Variants in UCKL1 observed in about 807,000 individuals in gnomAD.
The protein encoded by UCKL1 is uridine-cytidine kinase 1 like 1.
UCKL1 carries 65 observed loss-of-function variants against 59.2 expected under a neutral mutation model. The observed-to-expected ratio is 1.10, with a 90% confidence interval of 0.90 to 1.35. UCKL1 has a LOEUF of 1.35. Ranked by LOEUF, UCKL1 falls within the 40% of genes most tolerant of loss-of-function variation. The pLI is 0.00. For missense variants in UCKL1, 703 were observed against 784.3 expected (o/e 0.90, Z 1.24); for synonymous variants, 410 against 323.1 (o/e 1.27, Z -2.88).
At chr20:63,956,094 A>T in intron 1 of UCKL1, 166 bp downstream of exon 1, 1 of 621,780 alleles carries the variant, frequency 1.6e-6, no homozygotes, top group Non-Finnish European at 2.5e-6. Flanking sequence ...CGGCCGCTTC[A>T]AGCCCGCGGG....
chr20:63,941,272 C>A (rs914156371), intron 8 of UCKL1, 64 bp from the exon 9 acceptor site: 24 of 1,456,120 alleles, frequency 1.6e-5, no homozygotes, highest in Admixed American at 1.3e-4. Context: ...TCCCTCCCCA[C>A]AGGACGGCTG....
chr20:63,956,311 CG>C lies in UCKL1; in HGVS notation c.61del (p.Arg21GlufsTer97). ...DPSPTSPPTA[R>X]DTPGRQAEKS... ...CTCAGCCTGCCGGCCTGGTGTGTCT[CG>C]GGCCGTAGGTGGCGACGTGGGCGAA... On this transcript the variant is annotated frameshift_variant, in exon 1 of 15. Coordinates refer to ENST00000354216, the MANE Select transcript of UCKL1 (RefSeq NM_017859.4). LOFTEE classifies it high-confidence loss of function. 6.4e-7 allele frequency: 1 copy of C among 1,558,566 alleles called. No homozygotes were observed. The highest frequency in any genetic ancestry group is 8.6e-7 in the Non-Finnish European group (1 of 1,156,506).
rs1262672825 is a variant in UCKL1 at position 63,946,143 on chromosome 20, A to T, written c.411+18T>A. 6.2e-7 allele frequency: 1 copy of T among 1,610,974 alleles called. No individual in the cohort carries two copies. Among genetic ancestry groups the T allele is most frequent in the Non-Finnish European group, 8.5e-7 (1 of 1,178,872 alleles). On this transcript the variant is annotated intron_variant, in intron 3 of 14. Coordinates refer to ENST00000354216, the MANE Select transcript of UCKL1 (RefSeq NM_017859.4). ...GAGAGGACAAAGGGGTCCTCGGGGG[A>T]GCTGGGCGGGGGCCCACCTTGTAGA...
chr20:63,956,361 G>A lies in UCKL1; in HGVS notation c.12C>T (p.Pro4=), dbSNP rs755073335. 6.5e-7 allele frequency: 1 copy of A among 1,529,404 alleles called. No homozygotes were observed. Among genetic ancestry groups the A allele is most frequent in the Non-Finnish European group, 8.8e-7 (1 of 1,140,874 alleles). 94.7% of individuals were successfully genotyped at this position (1,529,404 alleles called of 1,614,324 possible). Residue 4 remains proline, a synonymous_variant, in exon 1 of 15, where the codon CCC becomes CCT. Transcript: ENST00000354216. MAA[P]PARADADPSP... is the part of the protein sequence containing the mutation. ...AAGGATCAGCGTCCGCGCGGGCCGG[G>A]GGCGCAGCCATGGCGCTCGGAGGCC... is the stretch of plus-strand genomic sequence containing the variant.
In UCKL1 at chr20:63,940,170, A is replaced by C. The variant is rs780479477; in HGVS notation, c.1547T>G (p.Phe516Cys). 1 of 1,612,666 alleles carries C rather than the reference A, an allele frequency of 6.2e-7. No homozygotes were observed. Residue 516 changes from phenylalanine to cysteine, a missense_variant, in exon 14 of 15, where the codon TTC (phenylalanine) becomes TGC (cysteine). By Grantham distance (205) the Phe-to-Cys change is radical. This residue lies in a region of UCKL1 where 124 missense variants were observed against 161.1 expected (regional missense o/e 0.77). Transcript: ENST00000354216. ...TAVDKRVNDL[F>C]RIIPGIGNFG... ...CTCACCAATGCCTGGGATGATGCGG[A>C]AAAGGTCATTGACCCGCTTGTCCAC...
At chr20:63,945,249 A>G (rs948219047) in intron 5 of UCKL1, among the ~76,000 whole-genome samples, 1 of 152,190 alleles carries the variant, frequency 6.6e-6, no homozygotes, top group South Asian at 2.1e-4. Flanking sequence ...TACAAGGGGC[A>G]GGACCTGGGC....
chr20:63,944,861 T>G, intron 5 of UCKL1, 127 bp from the exon 6 acceptor site: 1 of 1,213,586 alleles, frequency 8.2e-7, no homozygotes, highest in Non-Finnish European at 1.1e-6. Context: ...CAGGGCACCC[T>G]GGCAGGTGGG....
rs768458519 is a variant in UCKL1, at chr20:63,945,862, C to A, written c.525G>T (p.Gly175=). 1 of 1,613,846 alleles carries A rather than the reference C, an allele frequency of 6.2e-7. No individual in the cohort carries two copies. Among genetic ancestry groups the A allele is most frequent in the Non-Finnish European group, 8.5e-7 (1 of 1,179,992 alleles). The change falls in exon 4 of 15, where the codon GGG becomes GGT. Residue 175 remains glycine (G), a synonymous_variant. Transcript: ENST00000354216. Reference sequence around the variant, plus strand: ...CATAAATGGGCACCTTGACACTCTTCCCCTGCTTCAGCTTCTTGAGGGTGG... The same window carrying A: ...CATAAATGGGCACCTTGACACTCTTACCCTGCTTCAGCTTCTTGAGGGTGG... ...IISTLKKLKQ[G]KSVKVPIYDF...
intron 2 of UCKL1, 84 bp from the exon 3 acceptor site, chr20:63,946,351 G>A (rs945052207): frequency 1.1e-4 from 163 of 1,529,426 alleles, no homozygotes; most frequent in Middle Eastern, 5.5e-4. Flanking sequence ...TCCCGCTGCC[G>A]CTGCCTGCGG....
rs377751071 is a variant in UCKL1 at position 63,946,442 on chromosome 20, G to A, written c.304+11C>T. On this transcript the variant is annotated intron_variant, in intron 2 of 14. Transcript: ENST00000354216. ...GTCCGGCAGCAGGTCCCACCCCCCC[G>A]CTGCTCTCACCGATGGCGAAGGCCT... 8.0e-5 allele frequency: 123 copies of A among 1,542,826 alleles called. No homozygotes were observed. The highest frequency in any genetic ancestry group is 1.5e-4 in the Admixed American group (8 of 52,072).
In UCKL1 at chr20:63,941,126, T is replaced by TGCC; in HGVS notation, c.1003_1005dup (p.Gly335dup). ...GGCCCTCACCTGATGATGGTGTGCA[T>TGCC]GCCCCGTACCTGCGGCGTGCTCTTC... On this transcript the variant is annotated inframe_insertion, in exon 9 of 15. Coordinates refer to ENST00000354216, the MANE Select transcript of UCKL1 (RefSeq NM_017859.4). 1 of 1,597,814 alleles carries TGCC rather than the reference T, an allele frequency of 6.3e-7. No individual in the cohort carries two copies. Among genetic ancestry groups the TGCC allele is most frequent in the Non-Finnish European group, 8.5e-7 (1 of 1,175,122 alleles).
At chr20:63,943,599 C>G in intron 8 of UCKL1, 54 bp downstream of exon 8, 2 of 1,612,000 alleles carry the variant, frequency 1.2e-6, no homozygotes, top group South Asian at 2.2e-5. Context: ...CCCCAGAGCT[C>G]CTTGGAGGTG....
rs1322723575 is a variant in UCKL1, at chr20:63,945,677, C to T, written c.628G>A (p.Ala210Thr). The part of the protein sequence containing the change: ...ANVIIFEGIM[A>T]FADKTLLELL... ...TCCAACAGTGTCTTGTCAGCAAAGG[C>T]CATGATGCCCTCAAAGATGATGACG... Residue 210 changes from alanine (A) to threonine (T), a missense_variant, in exon 5 of 15, where the codon GCC (alanine) becomes ACC (threonine). Physicochemically the swap from Ala to Thr is moderately conservative, Grantham distance 58. Coordinates refer to ENST00000354216, the MANE Select transcript of UCKL1 (RefSeq NM_017859.4). 3.7e-6 allele frequency: 6 copies of T among 1,612,978 alleles called. No individual in the cohort carries two copies. The highest frequency in any genetic ancestry group is 1.3e-5 in the African/African-American group (1 of 74,932).
intron 8 of UCKL1, 156 bp from the exon 9 acceptor site, chr20:63,941,364 G>A (rs1440470998): frequency 3.4e-6 from 4 of 1,187,864 alleles, no homozygotes; most frequent in African/African-American, 1.6e-5. Context: ...GGCTGAGCTG[G>A]GGGGAGACGT....
chr20:63,956,027 C>T, intron 1 of UCKL1: 1 of 409,496 alleles, frequency 2.4e-6, no homozygotes, highest in Non-Finnish European at 4.4e-6. Flanking sequence ...GGGTGCGCAC[C>T]CGGACTCCTT....
At chr20:63,945,558 G>C in intron 5 of UCKL1, 93 bp downstream of exon 5, 10 of 1,327,692 alleles carry the variant, frequency 7.5e-6, no homozygotes, top group Non-Finnish European at 1.1e-5. Flanking sequence ...CAGTGTGGAG[G>C]CCTTGGGGAC....
At chr20:63,948,662 T>TGTGAGAGGGAGGGGCGTGG in intron 1 of UCKL1, among the ~76,000 whole-genome samples, 1 of 86,786 alleles carries the variant, frequency 1.2e-5, no homozygotes, top group Non-Finnish European at 2.4e-5. Flanking sequence ...GAGGGGCGTG[T>TGTGAGAGGGAGGGGCGTGG]GTGAGAGGGA....
Position 63,940,429 on chromosome 20 carries a change from G to C in UCKL1, c.1359C>G (p.Asp453Glu). 6.2e-7 allele frequency: 1 copy of C among 1,612,420 alleles called. No homozygotes were observed. The change falls in exon 13 of 15, where the codon GAC becomes GAG. Residue 453 changes from aspartate (D) to glutamate (E), a missense_variant. Asp to Glu is a conservative substitution (Grantham distance 45). Transcript: ENST00000354216. ...DISDDHVILM[D>E]CTVSTGAAAM... ...CCGCCGCGCCCGTGGACACGGTGCA[G>C]TCCATGAGGATCACGTGGTCATCGC...
intron 1 of UCKL1, among the ~76,000 whole-genome samples, chr20:63,951,926 A>T (rs141797720): frequency 6.6e-6 from 1 of 152,210 alleles, no homozygotes; most frequent in East Asian, 1.9e-4. Context: ...CATGGGTGTC[A>T]GCTTCCTCCT....
Sources: allele counts gnomAD v4.1 joint callset (sites outside exome capture counted in the v4.1 genomes callset), GRCh38; gene constraint gnomAD v4.1.1; regional missense constraint gnomAD v4.1.1; transcripts MANE v1.5; gene names NCBI Gene and HGNC (gene_info 2026-07-23, HGNC 2026-07-21).